Variants in R3HDM2 observed in about 807,000 individuals in gnomAD.
R3HDM2 encodes the protein R3H domain-containing protein 2.
A neutral mutation model predicts 124.5 loss-of-function variants in R3HDM2; 38 were observed. The ratio of observed to expected loss-of-function variants is 0.31; its 90% CI spans 0.24 to 0.40. R3HDM2 has a LOEUF of 0.40. R3HDM2 is among the 10% of genes least tolerant of loss of function. The pLI, the probability that R3HDM2 is intolerant of heterozygous loss-of-function variation, is 1.00. For synonymous variants in R3HDM2, 391 were observed against 448.0 expected, an observed-to-expected ratio of 0.87 and a Z score of 1.61; for missense variants, 869 against 1,236.9, an observed-to-expected ratio of 0.70 and a Z score of 4.46.
intron 2 of R3HDM2, among the ~76,000 whole-genome samples, chr12:57,381,758 T>C (rs1036538633): frequency 3.3e-5 from 5 of 151,984 alleles, no homozygotes; most frequent in Non-Finnish European, 7.4e-5. Context: ...GTGGGCAGGC[T>C]GAGAATTGCA....
intron 2 of R3HDM2, among the ~76,000 whole-genome samples, chr12:57,331,874 A>G (rs1027473534): frequency 6.6e-6 from 1 of 151,722 alleles, no homozygotes; most frequent in South Asian, 2.1e-4. Flanking sequence ...AGATCACGCC[A>G]CTGTACTACA....
intron 18 of R3HDM2, 160 bp downstream of exon 18, chr12:57,268,143 A>C: frequency 6.1e-6 from 4 of 652,836 alleles, no homozygotes; most frequent in Non-Finnish European, 9.3e-6. Flanking sequence ...CAAATCAATA[A>C]GTGAAAAGGA....
chr12:57,370,536 A>G (rs1840930740), intron 2 of R3HDM2, among the ~76,000 whole-genome samples: 2 of 152,036 alleles, frequency 1.3e-5, no homozygotes, highest in South Asian at 4.1e-4. Flanking sequence ...GCTACTCGGG[A>G]GGCTGAGGCA....
At chr12:57,411,066 A>G (rs1566506852) in intron 1 of R3HDM2, among the ~76,000 whole-genome samples, 1 of 152,212 alleles carries the variant, frequency 6.6e-6, no homozygotes, top group Non-Finnish European at 1.5e-5. Context: ...TCATCCACAT[A>G]AAACAAAAGA....
Position 57,299,474 on chromosome 12 carries a change from A to G in R3HDM2, c.299T>C (p.Ile100Thr). Residue 100 changes from isoleucine to threonine, a missense_variant, in exon 6 of 24, where the codon ATA becomes ACA. Physicochemically the swap from Ile to Thr is moderately conservative, Grantham distance 89 (BLOSUM62 -1). Around this residue, in one of 2 missense-constraint regions of R3HDM2, gnomAD observed 267 missense variants for 447.7 expected, o/e 0.60. Transcript: ENST00000402412. ...AGGGCAACTGATGTGCAATTGAATTATATCCTTAAGGGGAAAAAGGATAAT... is the reference window on the plus strand; with the variant it reads ...AGGGCAACTGATGTGCAATTGAATTGTATCCTTAAGGGGAAAAAGGATAAT... ...FADGPLETQD[I>T]IQLHISCPSD... 2 of 1,546,326 alleles carry G rather than the reference A, an allele frequency of 1.3e-6. No individual in the cohort carries two copies. The highest frequency in any genetic ancestry group is 2.4e-5 in the South Asian group (2 of 83,934).
intron 2 of R3HDM2, among the ~76,000 whole-genome samples, chr12:57,373,789 G>C (rs1278118822): frequency 1.3e-5 from 2 of 151,000 alleles, no homozygotes; most frequent in African/African-American, 4.9e-5. Flanking sequence ...CTCCAGTCTG[G>C]GCAACAAGAG....
In R3HDM2 at chr12:57,395,838, A is replaced by G. The variant is rs908928046; in HGVS notation, c.-105-20T>C. On this transcript the variant is annotated intron_variant, in intron 1 of 23. Coordinates refer to ENST00000402412, the MANE Select transcript of R3HDM2 (RefSeq NM_001394031.1). ...TAACCTCTGGGGGAGGAGGGGGAAAAAAAAAAACAAGTTAAAAGCAATTTT... is the reference window on the plus strand; with the variant it reads ...TAACCTCTGGGGGAGGAGGGGGAAAGAAAAAAACAAGTTAAAAGCAATTTT... The G allele has an allele frequency of 4.1e-6, 4 of 980,698 alleles. No individual in the cohort carries two copies. The highest frequency in any genetic ancestry group is 4.8e-6 in the Non-Finnish European group (4 of 825,734). 60.7% of individuals were successfully genotyped at this position (980,698 alleles called of 1,614,324 possible). A position where few individuals can be genotyped will look rare whatever the true frequency, so the allele number is the denominator to read the frequency against.
At chr12:57,343,045 G>A (rs2059727256) in intron 2 of R3HDM2, among the ~76,000 whole-genome samples, 1 of 152,082 alleles carries the variant, frequency 6.6e-6, no homozygotes, top group Non-Finnish European at 1.5e-5. Context: ...GGATGGTAAT[G>A]GAGAGTGTAA....
intron 13 of R3HDM2, among the ~76,000 whole-genome samples, chr12:57,282,028 G>A (rs895399874): frequency 6.6e-6 from 1 of 152,172 alleles, no homozygotes; most frequent in Non-Finnish European, 1.5e-5. Context: ...AGAAATGGTT[G>A]GTTGGGTGTG....
chr12:57,280,930 T>TAGAG (rs113415134), intron 13 of R3HDM2, among the ~76,000 whole-genome samples: 38 of 151,076 alleles, frequency 2.5e-4, no homozygotes, highest in East Asian at 1.9e-4. Context: ...GTCCTTTTGC[T>TAGAG]AGAGAGAGAG....
intron 2 of R3HDM2, among the ~76,000 whole-genome samples, chr12:57,365,195 T>C (rs1459810308): frequency 6.9e-6 from 1 of 145,326 alleles, no homozygotes; most frequent in Non-Finnish European, 1.5e-5. Context: ...ACCCATGAAG[T>C]GGAGGTTGCA....
At chr12:57,346,296 A>G (rs2060086162) in intron 2 of R3HDM2, among the ~76,000 whole-genome samples, 1 of 151,846 alleles carries the variant, frequency 6.6e-6, no homozygotes, top group East Asian at 1.9e-4. Context: ...GTCTCTACTA[A>G]AAGTACAAAA....
Position 57,254,501 on chromosome 12 carries a change from C to CAAA in R3HDM2, c.*269_*271dup, listed in dbSNP as rs67514723. ...GGGTGACAAGAGCGAAACTCCGTCT[C>CAAA]AAAAAAAAAAAAAAAAAAAAAAAGA... On this transcript the variant is annotated 3_prime_UTR_variant, in exon 24 of 24. Transcript: ENST00000402412. 633 of 101,234 alleles carry CAAA rather than the reference C, an allele frequency of 6.3e-3. No homozygotes were observed. The highest frequency in any genetic ancestry group is 9.0e-3 in the South Asian group (55 of 6,104). 6.3% of individuals were successfully genotyped at this position (101,234 alleles called of 1,614,324 possible). A position where few individuals can be genotyped will look rare whatever the true frequency, so the allele number is the denominator to read the frequency against.
At chr12:57,351,011 T>C (rs957439784) in intron 2 of R3HDM2, among the ~76,000 whole-genome samples, 20 of 152,260 alleles carry the variant, frequency 1.3e-4, no homozygotes, top group South Asian at 4.1e-4. Context: ...AGGCAAAGAA[T>C]TGCTTGAACC....
intron 18 of R3HDM2, among the ~76,000 whole-genome samples, chr12:57,267,178 T>G (rs2137316953): frequency 6.6e-6 from 1 of 150,904 alleles, no homozygotes; most frequent in South Asian, 2.1e-4. Context: ...AAAGAGAGTG[T>G]CACAGACACA....
At chr12:57,384,880 C>A (rs999638572) in intron 2 of R3HDM2, among the ~76,000 whole-genome samples, 1 of 151,950 alleles carries the variant, frequency 6.6e-6, no homozygotes, top group Non-Finnish European at 1.5e-5. Flanking sequence ...CAGGCGTGGT[C>A]GCTCACACGT....
Position 57,268,778 on chromosome 12 carries a change from G to A in R3HDM2, c.1875+144C>T, listed in dbSNP as rs114960023. 3,441 of 1,048,638 alleles carry A rather than the reference G, an allele frequency of 3.3e-3. 55 individuals are homozygous for A. The African/African-American group carries it at 0.043, about 13-fold the overall frequency. The allele number at this position is 1,048,638 out of a possible 1,614,324, so 65.0% of individuals were successfully genotyped here. A position where few individuals can be genotyped will look rare whatever the true frequency, so the allele number is the denominator to read the frequency against. The stretch of plus-strand genomic sequence containing the variant: ...TCTTCTAAAACTCCATGGGCTTTCC[G>A]TTATAGGAAAAAAACCTAAAAATTC... On this transcript the variant is annotated intron_variant, in intron 17 of 23. Coordinates refer to ENST00000402412, the MANE Select transcript of R3HDM2 (RefSeq NM_001394031.1).
intron 2 of R3HDM2, among the ~76,000 whole-genome samples, chr12:57,384,127 C>T (rs1266161462): frequency 2.0e-5 from 3 of 151,900 alleles, no homozygotes; most frequent in African/African-American, 7.2e-5. Flanking sequence ...TTCGGGAGGT[C>T]GAGGCGGGTG....
intron 2 of R3HDM2, among the ~76,000 whole-genome samples, chr12:57,389,605 T>C (rs2066364081): frequency 6.6e-6 from 1 of 152,188 alleles, no homozygotes; most frequent in African/African-American, 2.4e-5. Context: ...ATCTAAGCTC[T>C]AAAACAAATA....
Sources: allele counts gnomAD v4.1 joint callset (sites outside exome capture counted in the v4.1 genomes callset), GRCh38; gene constraint gnomAD v4.1.1; regional missense constraint gnomAD v4.1.1; transcripts MANE v1.5; gene names NCBI Gene and HGNC (gene_info 2026-07-23, HGNC 2026-07-21).